TENM4: variants seen among roughly 807,000 people sequenced by gnomAD.
TENM4 encodes the protein teneurin transmembrane protein 4.
In TENM4, 82 loss-of-function variants were observed where a neutral mutation model predicts 243.3. That is an observed-to-expected ratio of 0.34 (90% CI 0.28 to 0.40). TENM4 has a LOEUF of 0.40. TENM4 is among the 10% of genes least tolerant of loss of function. The pLI, the probability that TENM4 is intolerant of heterozygous loss-of-function variation, is 1.00. For synonymous variants in TENM4, 1,412 were observed against 1,456.3 expected (o/e 0.97, Z 0.69); for missense variants, 3,138 against 3,673.3 (o/e 0.85, Z 3.77).
Position 78,729,647 on chromosome 11 carries a change from G to C in TENM4, c.3139-4C>G. On this transcript the variant is annotated splice_polypyrimidine_tract_variant and splice_region_variant and intron_variant, in intron 21 of 33. Coordinates refer to ENST00000278550, the MANE Select transcript of TENM4 (RefSeq NM_001098816.3). ...TAGAGATTTCCTCCTGCAAAGCCTA[G>C]AAAGCAGAGGCAGATCACAGCAAGG... is the stretch of plus-strand genomic sequence containing the variant. 6.2e-7 allele frequency: 1 copy of C among 1,604,604 alleles called. No individual in the cohort carries two copies. The highest frequency in any genetic ancestry group is 8.5e-7 in the Non-Finnish European group (1 of 1,174,382).
intron 30 of TENM4, among the ~76,000 whole-genome samples, chr11:78,675,452 C>T (rs1858443768): frequency 6.6e-6 from 1 of 152,172 alleles, no homozygotes; most frequent in Non-Finnish European, 1.5e-5. Context: ...ATTAACTTTC[C>T]CTCTGTTCAT....
At chr11:79,263,421 C>T (rs369793689) in intron 2 of TENM4, among the ~76,000 whole-genome samples, 2 of 152,210 alleles carry the variant, frequency 1.3e-5, no homozygotes, top group East Asian at 3.9e-4. Context: ...ATGTACAGCA[C>T]AAAAATCTAC....
chr11:78,770,138 A>T lies in TENM4; in HGVS notation c.2539+854T>A, dbSNP rs78755491. 2.4e-4 allele frequency among the ~76,000 whole-genome samples: 36 copies of T among 152,338 alleles called. No homozygotes were observed. The East Asian group carries it at 6.4e-3, about 27-fold the overall frequency. ...TGTTTTTTCATATCTTTATCTTTTT[A>T]TTCTCCTAATAACCACCTGTGAGTG... is the stretch of plus-strand genomic sequence containing the variant. On this transcript the variant is annotated intron_variant, in intron 18 of 33. Coordinates refer to ENST00000278550, the MANE Select transcript of TENM4 (RefSeq NM_001098816.3).
At chr11:78,756,764 C>G in intron 19 of TENM4, 41 bp downstream of exon 19, 1 of 1,572,118 alleles carries the variant, frequency 6.4e-7, no homozygotes, top group Non-Finnish European at 8.7e-7. Context: ...TTCAGTTCTC[C>G]CTCAGAGAGC....
chr11:79,364,103 C>T (rs907012282), intron 1 of TENM4, among the ~76,000 whole-genome samples: 3 of 152,136 alleles, frequency 2.0e-5, no homozygotes, highest in East Asian at 3.8e-4. Context: ...TTTGGGTGAC[C>T]CTTATTTTAC....
intron 4 of TENM4, among the ~76,000 whole-genome samples, chr11:79,099,394 G>T (rs1861166096): frequency 6.6e-6 from 1 of 152,120 alleles, no homozygotes; most frequent in African/African-American, 2.4e-5. Context: ...AAGGTCCCAT[G>T]GGGAGAGGTC....
intron 1 of TENM4, among the ~76,000 whole-genome samples, chr11:79,324,505 A>G (rs1203656432): frequency 6.6e-6 from 1 of 152,184 alleles, no homozygotes; most frequent in Non-Finnish European, 1.5e-5. Flanking sequence ...GATTACAGAC[A>G]TGAGCCACTG....
intron 16 of TENM4, 84 bp from the exon 17 acceptor site, chr11:78,778,712 C>T: frequency 1.5e-6 from 2 of 1,301,784 alleles, no homozygotes; most frequent in African/African-American, 1.5e-5. Flanking sequence ...AGATGCTACA[C>T]AGACAAAGGG....
At chr11:79,052,240 C>T (rs189224481) in intron 6 of TENM4, among the ~76,000 whole-genome samples, 26 of 152,344 alleles carry the variant, frequency 1.7e-4, no homozygotes, top group Admixed American at 1.2e-3. Flanking sequence ...CTTCCACCAA[C>T]AGTGCAAAAG....
At chr11:79,336,746 C>T (rs1857154303) in intron 1 of TENM4, among the ~76,000 whole-genome samples, 1 of 152,216 alleles carries the variant, frequency 6.6e-6, no homozygotes, top group African/African-American at 2.4e-5. Flanking sequence ...TTGAGTTTCT[C>T]TCTACCCCCC....
At chr11:78,998,096 C>T (rs1021858459) in intron 6 of TENM4, among the ~76,000 whole-genome samples, 1 of 152,226 alleles carries the variant, frequency 6.6e-6, no homozygotes, top group Non-Finnish European at 1.5e-5. Flanking sequence ...ACATAACTGT[C>T]TGTTGTTCAA....
intron 1 of TENM4, among the ~76,000 whole-genome samples, chr11:79,416,883 A>G (rs1858826609): frequency 6.6e-6 from 1 of 151,920 alleles, no homozygotes; most frequent in Non-Finnish European, 1.5e-5. Flanking sequence ...ATGGCAAAAA[A>G]AAAAGAAAAA....
intron 24 of TENM4, 146 bp downstream of exon 24, chr11:78,722,522 G>T: frequency 1.8e-6 from 2 of 1,100,256 alleles, no homozygotes; most frequent in Non-Finnish European, 2.6e-6. Context: ...GCACCTGCTT[G>T]AGCTGGGAGG....
intron 9 of TENM4, among the ~76,000 whole-genome samples, chr11:78,866,435 CA>C (rs1238743815): frequency 9.3e-6 from 1 of 107,200 alleles, no homozygotes; most frequent in Non-Finnish European, 1.9e-5. Context: ...TTATATTTAA[CA>C]AGATGCAAAT....
chr11:79,282,531 T>G (rs1856175287), intron 2 of TENM4, among the ~76,000 whole-genome samples: 1 of 152,202 alleles, frequency 6.6e-6, no homozygotes, highest in Non-Finnish European at 1.5e-5. Context: ...TGCTTCTCTG[T>G]TCTAACCAAT....
At chr11:79,287,370 C>G (rs1445117939) in intron 2 of TENM4, among the ~76,000 whole-genome samples, 1 of 152,116 alleles carries the variant, frequency 6.6e-6, no homozygotes, top group Non-Finnish European at 1.5e-5. Flanking sequence ...GGGTACGGAA[C>G]CTAGTCTCCT....
intron 3 of TENM4, among the ~76,000 whole-genome samples, chr11:79,209,198 G>A (rs1447582375): frequency 2.0e-5 from 3 of 152,150 alleles, no homozygotes; most frequent in Non-Finnish European, 4.4e-5. Flanking sequence ...TCCCTACTCC[G>A]AGGATGCAGG....
chr11:79,335,000 T>C (rs1360863053), intron 1 of TENM4, among the ~76,000 whole-genome samples: 2 of 152,338 alleles, frequency 1.3e-5, no homozygotes, highest in Admixed American at 6.5e-5. Flanking sequence ...CTTATATTCA[T>C]TCAAAGCCTA....
intron 27 of TENM4, among the ~76,000 whole-genome samples, chr11:78,703,921 G>A (rs930188850): frequency 6.6e-6 from 1 of 150,706 alleles, no homozygotes; most frequent in Non-Finnish European, 1.5e-5. Context: ...GTACAATCTT[G>A]ACTCACTGCA....
Sources: gnomAD v4.1 joint callset for allele counts (sites outside exome capture counted in the v4.1 genomes callset) on GRCh38, gnomAD v4.1.1 for gene constraint, MANE v1.5 for transcripts, NCBI Gene and HGNC (gene_info 2026-07-23, HGNC 2026-07-21) for gene names.